Variants in UPRT observed in about 807,000 individuals in gnomAD.
UPRT encodes uracil phosphoribosyltransferase homolog.
UPRT carries 5 observed loss-of-function variants against 22.6 expected under a neutral mutation model. That is an observed-to-expected ratio of 0.22 (90% CI 0.12 to 0.47). UPRT has a LOEUF of 0.47. Among genes scored for constraint, UPRT ranks in the 20% least tolerant of loss-of-function variants. The pLI is 0.99. For missense variants in UPRT, 181 were observed against 239.9 expected, an observed-to-expected ratio of 0.75 and a Z score of 1.62; for synonymous variants, 77 against 87.7, an observed-to-expected ratio of 0.88 and a Z score of 0.68.
intron 4 of UPRT, among the ~76,000 whole-genome samples, chrX:75,249,641 G>A (rs1229796830): frequency 2.7e-5 from 3 of 110,789 alleles, no homozygotes; most frequent in African/African-American, 3.3e-5. Flanking sequence ...GTCAACATTA[G>A]ACAGATCTGT....
intron 2 of UPRT, chrX:75,294,648 T>G (rs752044149): frequency 1.5e-4 from 143 of 935,308 alleles, no homozygotes; most frequent in Non-Finnish European, 1.9e-4. Context: ...AGAGACCAAT[T>G]TTATTTAAAA....
chrX:75,184,787 A>G (rs979443108), intron 4 of UPRT, among the ~76,000 whole-genome samples: 1 of 111,156 alleles, frequency 9.0e-6, no homozygotes, highest in Admixed American at 9.6e-5. Flanking sequence ...CTTTGAAGCA[A>G]TTGTGAATGG....
intron 4 of UPRT, among the ~76,000 whole-genome samples, chrX:75,254,302 GAGAAAT>G (rs2082541852): frequency 9.0e-6 from 1 of 111,214 alleles, no homozygotes. Context: ...GAAGTGAAGG[GAGAAAT>G]AGTCAATGAA....
intron 3 of UPRT, among the ~76,000 whole-genome samples, chrX:75,164,873 T>TA (rs1331460558): frequency 1.7e-4 from 19 of 111,800 alleles, no homozygotes; most frequent in African/African-American, 5.8e-4. Context: ...TAGATTTAAG[T>TA]AAATATAATA....
At chrX:75,248,321 G>C (rs1227612929) in intron 4 of UPRT, among the ~76,000 whole-genome samples, 1 of 111,483 alleles carries the variant, frequency 9.0e-6, no homozygotes, top group Non-Finnish European at 1.9e-5. Flanking sequence ...AAAAAAATTA[G>C]ACGAATGGCT....
chrX:75,261,737 A>C (rs1293981385), intron 4 of UPRT, among the ~76,000 whole-genome samples: 1 of 111,713 alleles, frequency 9.0e-6, no homozygotes, highest in Non-Finnish European at 1.9e-5. Context: ...GAATTTTAGC[A>C]ACATCCCTGA....
chrX:75,172,815 G>A (rs2082232435), intron 4 of UPRT, among the ~76,000 whole-genome samples: 1 of 111,232 alleles, frequency 9.0e-6, no homozygotes, highest in Non-Finnish European at 1.9e-5. Flanking sequence ...GCTCAGGAGT[G>A]AAGCTGCAGA....
At chrX:75,230,430 T>C (rs2082434829) in intron 4 of UPRT, among the ~76,000 whole-genome samples, 2 of 111,548 alleles carry the variant, frequency 1.8e-5, no homozygotes, top group African/African-American at 6.5e-5. Flanking sequence ...TAGGGCAAGA[T>C]TATATCCCCC....
chrX:75,270,356 A>T (rs1569279016), upstream of UPRT, among the ~76,000 whole-genome samples: 1 of 111,713 alleles, frequency 9.0e-6, no homozygotes, highest in Non-Finnish European at 1.9e-5. Context: ...GGGATTCCTT[A>T]AGGATCTAGA....
At chrX:75,223,846 G>A (rs1392651251) in intron 4 of UPRT, among the ~76,000 whole-genome samples, 3 of 111,904 alleles carry the variant, frequency 2.7e-5, no homozygotes, top group African/African-American at 9.8e-5. Context: ...ATGAAGGTTT[G>A]TGTGTGAATC....
At chrX:75,185,285 T>C (rs1460106909) in intron 4 of UPRT, among the ~76,000 whole-genome samples, 1 of 112,012 alleles carries the variant, frequency 8.9e-6, no homozygotes, top group Non-Finnish European at 1.9e-5. Flanking sequence ...TAATCATGTG[T>C]TTTTTGTCTT....
intron 4 of UPRT, among the ~76,000 whole-genome samples, chrX:75,244,579 A>G (rs1292785928): frequency 1.8e-5 from 2 of 111,584 alleles, no homozygotes; most frequent in African/African-American, 6.5e-5. Flanking sequence ...GGAACAGAAT[A>G]TACCAATGGA....
intron 4 of UPRT, among the ~76,000 whole-genome samples, chrX:75,180,100 C>T (rs1270846680): frequency 8.9e-6 from 1 of 112,781 alleles, no homozygotes; most frequent in South Asian, 3.6e-4. Context: ...GCCTCCCCAC[C>T]TGTTGAATCT....
chrX:75,245,278 A>AG (rs1213199371), intron 4 of UPRT, among the ~76,000 whole-genome samples: 1 of 109,230 alleles, frequency 9.2e-6, no homozygotes, highest in African/African-American at 3.4e-5. Flanking sequence ...AAAAAAAAAA[A>AG]AAAAGAAAAG....
intron 4 of UPRT, among the ~76,000 whole-genome samples, chrX:75,238,017 A>G (rs930855571): frequency 2.7e-5 from 3 of 111,768 alleles, no homozygotes; most frequent in African/African-American, 9.8e-5. Flanking sequence ...ACACCAAAAT[A>G]GAAACTCCTT....
chrX:75,259,715 A>G (rs1010854657), intron 4 of UPRT, among the ~76,000 whole-genome samples: 12 of 111,248 alleles, frequency 1.1e-4, no homozygotes. Flanking sequence ...CTTCCCCAAC[A>G]TAGCAAGACA....
chrX:75,268,017 T>C (rs774163184), intron 4 of UPRT, among the ~76,000 whole-genome samples: 1 of 110,601 alleles, frequency 9.0e-6, no homozygotes, highest in Non-Finnish European at 1.9e-5. Context: ...CTAGCCAGAC[T>C]AATAAAGAAG....
intron 4 of UPRT, among the ~76,000 whole-genome samples, chrX:75,179,819 G>A (rs2082263100): frequency 8.9e-6 from 1 of 112,590 alleles, no homozygotes; most frequent in Admixed American, 9.3e-5. Context: ...CGAGCGCGGG[G>A]CCCGCCAAGC....
chrX:75,286,776 T>G (rs1274354080), intron 1 of UPRT, among the ~76,000 whole-genome samples: 1 of 111,851 alleles, frequency 8.9e-6, no homozygotes, highest in Non-Finnish European at 1.9e-5. Flanking sequence ...ATTCCCTTAT[T>G]AGGGCAAAAT....
Sources: gnomAD v4.1 joint callset for allele counts (sites outside exome capture counted in the v4.1 genomes callset) on GRCh38, gnomAD v4.1.1 for gene constraint, MANE v1.5 for transcripts, NCBI Gene and HGNC (gene_info 2026-07-23, HGNC 2026-07-21) for gene names.